Variants in JARID2 observed in about 807,000 individuals in gnomAD.
The protein encoded by JARID2 is jumonji and AT-rich interaction domain containing 2.
JARID2 carries 21 observed loss-of-function variants against 125.6 expected under a neutral mutation model. The ratio of observed to expected loss-of-function variants is 0.17; its 90% CI spans 0.12 to 0.24. The LOEUF (loss-of-function observed/expected upper bound fraction) is 0.24. Among genes scored for constraint, JARID2 ranks in the 10% least tolerant of loss-of-function variants. The probability of loss-of-function intolerance (pLI) is 1.00; values close to 1 mark genes in which losing one functional copy is unlikely to be tolerated. For synonymous variants in JARID2, 736 were observed against 661.6 expected, an observed-to-expected ratio of 1.11 and a Z score of -1.73; for missense variants, 1,303 against 1,639.6, an observed-to-expected ratio of 0.79 and a Z score of 3.55.
At chr6:15,282,432 GCCTTTTT>G (rs983385283) in intron 1 of JARID2, among the ~76,000 whole-genome samples, 3 of 151,948 alleles carry the variant, frequency 2.0e-5, no homozygotes, top group African/African-American at 7.3e-5. Context: ...TCTGTTCTCA[GCCTTTTT>G]CGTTGGTCTG....
chr6:15,289,825 G>A (rs1290476604), intron 1 of JARID2, among the ~76,000 whole-genome samples: 1 of 152,148 alleles, frequency 6.6e-6, no homozygotes, highest in East Asian at 1.9e-4. Flanking sequence ...CAGCCTGGGT[G>A]AGAGAGTGAG....
At chr6:15,303,195 G>C (rs1761696466) in intron 1 of JARID2, among the ~76,000 whole-genome samples, 1 of 152,240 alleles carries the variant, frequency 6.6e-6, no homozygotes, top group African/African-American at 2.4e-5. Context: ...TCCTCGACCA[G>C]CTTTCTGGTG....
In JARID2 at chr6:15,521,339, A is replaced by G. The variant is rs1771839244; in HGVS notation, c.*1088A>G. 6.6e-6 allele frequency: 1 copy of G among 152,082 alleles called. No homozygotes were observed. The highest frequency in any genetic ancestry group is 2.1e-4 in the South Asian group (1 of 4,826). 9.4% of individuals were successfully genotyped at this position (152,082 alleles called of 1,614,324 possible). Reference sequence around the variant, plus strand: ...TCTCTTCATGTTGTAACAAAAAGGAAAAAAGAAAAAAAAATCCCATCCCTT... The same window carrying G: ...TCTCTTCATGTTGTAACAAAAAGGAGAAAAGAAAAAAAAATCCCATCCCTT... On this transcript the variant is annotated 3_prime_UTR_variant, in exon 18 of 18. Coordinates refer to ENST00000341776, the MANE Select transcript of JARID2 (RefSeq NM_004973.4).
chr6:15,295,466 G>A (rs772653904), intron 1 of JARID2, among the ~76,000 whole-genome samples: 32 of 152,112 alleles, frequency 2.1e-4, no homozygotes, highest in Non-Finnish European at 4.0e-4. Flanking sequence ...AATAAGATTT[G>A]TGGAGTAAAG....
chr6:15,448,041 G>T (rs1425899675), intron 3 of JARID2, among the ~76,000 whole-genome samples: 1 of 152,160 alleles, frequency 6.6e-6, no homozygotes, highest in East Asian at 1.9e-4. Flanking sequence ...ATCCCCACGG[G>T]ACTCTGCAGG....
At chr6:15,469,258 T>C (rs1038571646) in intron 5 of JARID2, among the ~76,000 whole-genome samples, 3 of 144,826 alleles carry the variant, frequency 2.1e-5, no homozygotes. Context: ...CCTAGTGGTC[T>C]TTTCTCTCTG....
At chr6:15,282,694 T>C (rs1268137716) in intron 1 of JARID2, among the ~76,000 whole-genome samples, 1 of 151,672 alleles carries the variant, frequency 6.6e-6, no homozygotes, top group Non-Finnish European at 1.5e-5. Flanking sequence ...AACCTCCACC[T>C]CCTGGGTTCC....
chr6:15,414,137 G>A (rs1353623919), intron 3 of JARID2, among the ~76,000 whole-genome samples: 1 of 152,128 alleles, frequency 6.6e-6, no homozygotes, highest in Non-Finnish European at 1.5e-5. Context: ...GGGGAAAGGG[G>A]AAGACTGAGA....
intron 1 of JARID2, among the ~76,000 whole-genome samples, chr6:15,269,410 G>T (rs998707648): frequency 6.6e-6 from 1 of 152,020 alleles, no homozygotes; most frequent in Non-Finnish European, 1.5e-5. Flanking sequence ...CCAGGCTGGC[G>T]TGTGGTGGTG....
At chr6:15,385,198 C>T (rs570338397) in intron 2 of JARID2, among the ~76,000 whole-genome samples, 1 of 152,302 alleles carries the variant, frequency 6.6e-6, no homozygotes, top group African/African-American at 2.4e-5. Context: ...ATTTTAAATA[C>T]ACAAAGCATA....
rs745910520 is a variant in JARID2 at position 15,413,002 on chromosome 6, G to GTTTTTTTTTTTTTTTTTTTTTTTTTTT, written c.323+2642_323+2643insTTTTTTTTTTTTTTTTTTTTTTTTTTT. On this transcript the variant is annotated intron_variant, in intron 3 of 17. Transcript: ENST00000341776. ...AACATTATACATGGGAAGAGCTTGT[G>GTTTTTTTTTTTTTTTTTTTTTTTTTTT]TTTTTGTTTTTTTTTTTTTTGTTTT... Among the ~76,000 whole-genome samples, 7 of 46,528 alleles carry GTTTTTTTTTTTTTTTTTTTTTTTTTTT rather than the reference G, an allele frequency of 1.5e-4. 1 individual carries two copies. Among genetic ancestry groups the GTTTTTTTTTTTTTTTTTTTTTTTTTTT allele is most frequent in the South Asian group, 1.4e-3 (2 of 1,472 alleles). The allele number at this position is 46,528 out of a possible 152,430, so 30.5% of individuals were successfully genotyped here. A position where few individuals can be genotyped will look rare whatever the true frequency, so the allele number is the denominator to read the frequency against.
At chr6:15,465,108 A>G (rs1232195618) in intron 4 of JARID2, among the ~76,000 whole-genome samples, 1 of 152,196 alleles carries the variant, frequency 6.6e-6, no homozygotes. Flanking sequence ...CCGAGGAGCC[A>G]TTAAAACAAA....
At chr6:15,310,543 C>T (rs1276378218) in intron 1 of JARID2, among the ~76,000 whole-genome samples, 1 of 152,176 alleles carries the variant, frequency 6.6e-6, no homozygotes, top group African/African-American at 2.4e-5. Flanking sequence ...GCTGTGAATG[C>T]CTTGGCCTCC....
intron 7 of JARID2, among the ~76,000 whole-genome samples, chr6:15,499,124 A>G (rs1770605644): frequency 1.3e-5 from 2 of 152,134 alleles, no homozygotes; most frequent in Non-Finnish European, 2.9e-5. Context: ...AAGGCGTCTG[A>G]CATTCTGTCC....
chr6:15,484,298 T>C (rs559627445), intron 5 of JARID2, among the ~76,000 whole-genome samples: 7 of 152,234 alleles, frequency 4.6e-5, no homozygotes, highest in Non-Finnish European at 7.3e-5. Flanking sequence ...TGCTGGACTT[T>C]GTCCACAGAC....
intron 6 of JARID2, among the ~76,000 whole-genome samples, chr6:15,491,346 A>G (rs1452074889): frequency 1.3e-5 from 2 of 152,156 alleles, no homozygotes; most frequent in East Asian, 1.9e-4. Context: ...GGCCTTGGCT[A>G]GGAGGCTCCT....
At chr6:15,432,735 T>A (rs1767022373) in intron 3 of JARID2, among the ~76,000 whole-genome samples, 1 of 152,216 alleles carries the variant, frequency 6.6e-6, no homozygotes, top group South Asian at 2.1e-4. Context: ...GTCCTTAGGC[T>A]CCTTCCCTCC....
rs557218638 is a variant in JARID2 at position 15,309,471 on chromosome 6, T to C, written c.45+62887T>C. ...TATCCCAGTGAAAAATGGAAACCAA[T>C]AGGGGATTGGTTAAATTATGGAACG... On this transcript the variant is annotated intron_variant, in intron 1 of 17. Coordinates refer to ENST00000341776, the MANE Select transcript of JARID2 (RefSeq NM_004973.4). Among the ~76,000 whole-genome samples, 8 of 152,164 alleles carry C rather than the reference T, an allele frequency of 5.3e-5. No individual in the cohort carries two copies. In the East Asian group the frequency reaches 1.4e-3, roughly 26 times the overall value.
intron 8 of JARID2, among the ~76,000 whole-genome samples, chr6:15,503,906 G>C (rs1353866695): frequency 2.0e-5 from 3 of 152,212 alleles, no homozygotes; most frequent in African/African-American, 4.8e-5. Flanking sequence ...GGGCAACAGA[G>C]GGGCATCGAA....
Sources: gnomAD v4.1 joint callset for allele counts (sites outside exome capture counted in the v4.1 genomes callset) on GRCh38, gnomAD v4.1.1 for gene constraint, MANE v1.5 for transcripts, NCBI Gene and HGNC (gene_info 2026-07-23, HGNC 2026-07-21) for gene names.